The following ALDH18A1 variants were observed in gnomAD, a reference collection of about 807,000 sequenced individuals.
ALDH18A1 encodes aldehyde dehydrogenase 18 family member A1, also known as delta-1-pyrroline-5-carboxylate synthase.
Under a neutral mutation model 88.8 loss-of-function variants are expected in ALDH18A1, and 44 were observed. The observed-to-expected ratio is 0.50, with a 90% CI of 0.39 to 0.64. The LOEUF is 0.64. Among genes scored for constraint, ALDH18A1 ranks in the 30% least tolerant of loss-of-function variants. The pLI is 0.00. For missense variants in ALDH18A1, 782 were observed against 1,009.5 expected, an observed-to-expected ratio of 0.77 and a Z score of 3.05; for synonymous variants, 331 against 372.1, an observed-to-expected ratio of 0.89 and a Z score of 1.27.
In ALDH18A1 at chr10:95,606,852, C is replaced by T; in HGVS notation, c.2298G>A (p.Gly766=). The change falls in exon 18 of 18, where the codon GGG becomes GGA. Residue 766 remains glycine (G), a synonymous_variant. Transcript: ENST00000371224. ...AGAAATCTGAGACCACGTGGTCCTT[C>T]CCTCGCAGCAGCCACTTAGTAGTAA... ...GLLTTKWLLR[G]KDHVVSDFSE... 1 of 1,614,212 alleles carries T rather than the reference C, an allele frequency of 6.2e-7. No homozygotes were observed. Among genetic ancestry groups the T allele is most frequent in the Non-Finnish European group, 8.5e-7 (1 of 1,180,036 alleles).
At chr10:95,636,682 G>T (rs2139619798) in intron 5 of ALDH18A1, among the ~76,000 whole-genome samples, 1 of 152,242 alleles carries the variant, frequency 6.6e-6, no homozygotes, top group South Asian at 2.1e-4. Context: ...GCTATAAAAG[G>T]CAACCAACCA....
chr10:95,652,220 G>A (rs1431613958), intron 2 of ALDH18A1, among the ~76,000 whole-genome samples: 2 of 152,190 alleles, frequency 1.3e-5, no homozygotes, highest in Non-Finnish European at 2.9e-5. Flanking sequence ...GTTAGTAATA[G>A]GGAAGAGGAC....
At position 95,621,457 on chromosome 10, in the gene ALDH18A1, C is replaced by CT. The variant is rs1381131781; in HGVS notation, c.1247-207dup. Among the ~76,000 whole-genome samples, 9 of 151,852 alleles carry CT rather than the reference C, an allele frequency of 5.9e-5. No individual in the cohort carries two copies. The East Asian group carries it at 1.7e-3, about 29-fold the overall frequency. On this transcript the variant is annotated intron_variant, in intron 11 of 17. Transcript: ENST00000371224. ...ACCTCAGCCTCCTTAGTAGCTGGGACTACAGGCATGCACCACCAGGCCTGG... is the reference window on the plus strand; with the variant it reads ...ACCTCAGCCTCCTTAGTAGCTGGGACTTACAGGCATGCACCACCAGGCCTGG...
chr10:95,622,307 C>T (rs944338140), intron 11 of ALDH18A1, among the ~76,000 whole-genome samples: 3 of 152,084 alleles, frequency 2.0e-5, no homozygotes, highest in Non-Finnish European at 4.4e-5. Context: ...AAGTGATCCT[C>T]CTGCTTCAGT....
rs1565993660 is a variant in ALDH18A1 at position 95,610,301 on chromosome 10, T to C, written c.2111-9A>G. 2 of 1,613,628 alleles carry C rather than the reference T, an allele frequency of 1.2e-6. No homozygotes were observed. The highest frequency in any genetic ancestry group is 1.7e-6 in the Non-Finnish European group (2 of 1,179,676). On this transcript the variant is annotated splice_polypyrimidine_tract_variant and intron_variant, in intron 16 of 17. Coordinates refer to ENST00000371224, the MANE Select transcript of ALDH18A1 (RefSeq NM_002860.4). ...GAACTCCGCTGTGTTTTCTGCAGGG[T>C]GAAGAAGGAGAAACCAAGTTAGGAT...
At chr10:95,621,308 C>T in intron 11 of ALDH18A1, 57 bp from the exon 12 acceptor site, 1 of 1,365,462 alleles carries the variant, frequency 7.3e-7, no homozygotes, top group Non-Finnish European at 1.0e-6. Context: ...CTACAGCTAC[C>T]AACCGATGTG....
At chr10:95,612,096 T>G (rs1315814048) in intron 15 of ALDH18A1, among the ~76,000 whole-genome samples, 1 of 152,220 alleles carries the variant, frequency 6.6e-6, no homozygotes, top group Non-Finnish European at 1.5e-5. Context: ...CTGCATATGG[T>G]ACCTAGGCAC....
Position 95,616,515 on chromosome 10 carries a change from C to A in ALDH18A1, c.1567G>T (p.Ala523Ser). The change falls in exon 13 of 18, where the codon GCT becomes TCT. Residue 523 changes from alanine (A) to serine (S), a missense_variant. Ala to Ser is a moderately conservative substitution (Grantham distance 99). Around this residue, in one of 3 missense-constraint regions of ALDH18A1, gnomAD observed 556 missense variants for 654.5 expected, o/e 0.85. Coordinates refer to ENST00000371224, the MANE Select transcript of ALDH18A1 (RefSeq NM_002860.4). ...TCCTTGACTCCATGGATTGAGAGAG[C>A]CTCCTGGGTCAGGAGGTGGAGAATC... ...NRILHLLTQE[A>S]LSIHGVKEAV... 1 of 1,576,432 alleles carries A rather than the reference C, an allele frequency of 6.3e-7. No individual in the cohort carries two copies. Among genetic ancestry groups the A allele is most frequent in the Non-Finnish European group, 8.6e-7 (1 of 1,159,932 alleles).
chr10:95,632,292 T>C (rs2139605835), intron 7 of ALDH18A1, among the ~76,000 whole-genome samples: 1 of 152,352 alleles, frequency 6.6e-6, no homozygotes, highest in East Asian at 1.9e-4. Context: ...AAAGGGAAAG[T>C]GTTCTACAAA....
chr10:95,632,458 C>G (rs2097871977), intron 7 of ALDH18A1, among the ~76,000 whole-genome samples: 1 of 152,214 alleles, frequency 6.6e-6, no homozygotes, highest in Non-Finnish European at 1.5e-5. Flanking sequence ...CTGGAACTCC[C>G]AGCTCCAAGT....
intron 6 of ALDH18A1, among the ~76,000 whole-genome samples, 200 bp from the exon 7 acceptor site, chr10:95,633,249 G>T (rs2097874121): frequency 6.6e-6 from 1 of 152,146 alleles, no homozygotes; most frequent in Non-Finnish European, 1.5e-5. Flanking sequence ...TTCCAAACAT[G>T]CAGTCTTCTA....
intron 2 of ALDH18A1, among the ~76,000 whole-genome samples, chr10:95,650,233 G>A (rs909165869): frequency 2.0e-5 from 3 of 152,104 alleles, no homozygotes; most frequent in Non-Finnish European, 4.4e-5. Context: ...TAAATTTGAC[G>A]TCATCAAAAG....
chr10:95,645,778 G>A (rs903338173), intron 2 of ALDH18A1, among the ~76,000 whole-genome samples: 1 of 151,988 alleles, frequency 6.6e-6, no homozygotes, highest in African/African-American at 2.4e-5. Flanking sequence ...GATTCCGATG[G>A]CATTGCTGGA....
chr10:95,613,211 T>C (rs2097838555), intron 15 of ALDH18A1, among the ~76,000 whole-genome samples: 1 of 152,256 alleles, frequency 6.6e-6, no homozygotes, highest in Admixed American at 6.5e-5. Context: ...TGAAACTTAC[T>C]GGCTTTTGGT....
chr10:95,608,468 C>T (rs745877635), intron 17 of ALDH18A1, among the ~76,000 whole-genome samples: 11 of 152,224 alleles, frequency 7.2e-5, no homozygotes, highest in Non-Finnish European at 1.5e-4. Context: ...AGATCATCTA[C>T]TCAAAAAGTT....
intron 17 of ALDH18A1, among the ~76,000 whole-genome samples, chr10:95,608,090 G>A (rs534988160): frequency 6.6e-6 from 1 of 152,216 alleles, no homozygotes; most frequent in Admixed American, 6.5e-5. Context: ...ATTTAGCACA[G>A]TGCTGGGAAT....
chr10:95,636,580 C>A (rs2097881083), intron 5 of ALDH18A1, among the ~76,000 whole-genome samples: 3 of 152,208 alleles, frequency 2.0e-5, no homozygotes, highest in Admixed American at 2.0e-4. Context: ...CTGCTAGGTA[C>A]ACCATAGGTG....
intron 15 of ALDH18A1, among the ~76,000 whole-genome samples, chr10:95,611,714 G>A (rs2097834973): frequency 6.6e-6 from 1 of 152,164 alleles, no homozygotes; most frequent in African/African-American, 2.4e-5. Flanking sequence ...GCTCACGCCT[G>A]TAATCCCAGT....
chr10:95,642,984 G>GCAAT lies in ALDH18A1; in HGVS notation c.303+4_303+7dup, dbSNP rs772902503. The GCAAT allele has an allele frequency of 6.2e-7, 1 of 1,612,672 alleles. No homozygotes were observed. Among genetic ancestry groups the GCAAT allele is most frequent in the South Asian group, 1.1e-5 (1 of 90,992 alleles). On this transcript the variant is annotated splice_region_variant and intron_variant, in intron 3 of 17. Transcript: ENST00000371224. ...TTAGTACAGCATAATTTCTATCTTG[G>GCAAT]CAATCACCTGCTCAACAATAGATGC...
Sources: allele counts gnomAD v4.1 joint callset (sites outside exome capture counted in the v4.1 genomes callset), GRCh38; gene constraint gnomAD v4.1.1; regional missense constraint gnomAD v4.1.1; transcripts MANE v1.5; gene names NCBI Gene and HGNC (gene_info 2026-07-23, HGNC 2026-07-21).